Variants in GHRHR observed in about 807,000 individuals in gnomAD.
The protein encoded by GHRHR is growth hormone-releasing hormone receptor.
In GHRHR, 40 loss-of-function variants were observed where a neutral mutation model predicts 58.3. The ratio of observed to expected loss-of-function variants is 0.69; its 90% CI spans 0.53 to 0.89. GHRHR has a LOEUF of 0.89. Among genes scored for constraint, GHRHR ranks in the 40% least tolerant of loss-of-function variants. The pLI, the probability that GHRHR is intolerant of heterozygous loss-of-function variation, is 0.00. For missense variants in GHRHR, 551 were observed against 541.3 expected (o/e 1.02, Z -0.18); for synonymous variants, 249 against 216.6 (o/e 1.15, Z -1.31).
chr7:30,968,640 C>T (rs13237214), intron 1 of GHRHR, among the ~76,000 whole-genome samples, 194 bp from the exon 2 acceptor site: 20 of 81,862 alleles, frequency 2.4e-4, no homozygotes, highest in South Asian at 3.7e-4. Flanking sequence ...CTCCCTCCCT[C>T]CCTTCCTTCC....
intron 2 of GHRHR, 39 bp from the exon 3 acceptor site, chr7:30,969,024 C>A: frequency 6.5e-7 from 1 of 1,539,098 alleles, no homozygotes; most frequent in Non-Finnish European, 8.9e-7. Flanking sequence ...CAGCCCTGCA[C>A]CTGGGCTGAG....
At chr7:30,976,309 T>C (rs529170179) in intron 10 of GHRHR, 120 bp from the exon 11 acceptor site, 55 of 914,824 alleles carry the variant, frequency 6.0e-5, no homozygotes, top group Non-Finnish European at 8.4e-5. Flanking sequence ...AGGTGGCGTT[T>C]CCCAAGGTGG....
In GHRHR at chr7:30,968,822, T is replaced by C. The variant is rs1328502138; in HGVS notation, c.58-12T>C. The C allele has an allele frequency of 6.3e-7, 1 of 1,599,780 alleles. No individual in the cohort carries two copies. Among genetic ancestry groups the C allele is most frequent in the African/African-American group, 1.3e-5 (1 of 74,678 alleles). On this transcript the variant is annotated splice_polypyrimidine_tract_variant and intron_variant, in intron 1 of 12. Coordinates refer to ENST00000326139, the MANE Select transcript of GHRHR (RefSeq NM_000823.4). ...AAATGGCTTGGCTCATCCTGTTCAC[T>C]GTTTCCAGCAGGTATTGGGCCACAT...
At chr7:30,971,037 G>A (rs1363434042) in intron 4 of GHRHR, 82 bp from the exon 5 acceptor site, 2 of 730,490 alleles carry the variant, frequency 2.7e-6, no homozygotes, top group Non-Finnish European at 5.0e-6. Context: ...AATGGCAAAG[G>A]CTTCACCTGC....
intron 10 of GHRHR, 51 bp downstream of exon 10, chr7:30,975,919 A>G: frequency 1.0e-6 from 1 of 996,420 alleles, no homozygotes; most frequent in Non-Finnish European, 1.6e-6. Context: ...CTGGAGGGGG[A>G]TTCAATGTGT....
At position 30,975,866 on chromosome 7, in the gene GHRHR, T is replaced by C; in HGVS notation, c.972T>C (p.Tyr324=). 6.4e-7 allele frequency: 1 copy of C among 1,556,958 alleles called. No homozygotes were observed. Among genetic ancestry groups the C allele is most frequent in the Non-Finnish European group, 8.9e-7 (1 of 1,127,716 alleles). The change falls in exon 10 of 13, where the codon TAT becomes TAC. Residue 324 remains tyrosine (Y), a splice_region_variant and synonymous_variant. Coordinates refer to ENST00000326139, the MANE Select transcript of GHRHR (RefSeq NM_000823.4). ...GCAGCCTCCATACCCAGTCTCAGTATTGGTACTGTGTGTTTGTGTCTGGGG... is the reference window on the plus strand; with the variant it reads ...GCAGCCTCCATACCCAGTCTCAGTACTGGTACTGTGTGTTTGTGTCTGGGG... ...AQGSLHTQSQ[Y]WRLSKSTLFL...
chr7:30,968,968 T>C lies in GHRHR; in HGVS notation c.160+32T>C, dbSNP rs1290390710. The C allele has an allele frequency of 2.5e-6, 4 of 1,571,466 alleles. No homozygotes were observed. In the Admixed American group the frequency reaches 6.7e-5, roughly 26 times the overall value. On this transcript the variant is annotated intron_variant, in intron 2 of 12. Transcript: ENST00000326139. ...GGCCTAGGAGGCAGGTGGTGGCTTC[T>C]CTGATTCCTTTATATCCTCCAGCCT...
At chr7:30,967,706 C>T (rs1792386977) in intron 1 of GHRHR, among the ~76,000 whole-genome samples, 1 of 151,742 alleles carries the variant, frequency 6.6e-6, no homozygotes, top group African/African-American at 2.4e-5. Flanking sequence ...GCCTTCCTGC[C>T]TTCCTTCCCT....
At chr7:30,978,492 T>C (rs1792628844) in intron 12 of GHRHR, among the ~76,000 whole-genome samples, 1 of 152,188 alleles carries the variant, frequency 6.6e-6, no homozygotes, top group South Asian at 2.1e-4. Context: ...GTTGAACAGA[T>C]ATCTGATTCC....
chr7:30,971,098 T>C (rs1233418547), intron 4 of GHRHR, 21 bp from the exon 5 acceptor site: 1 of 1,084,240 alleles, frequency 9.2e-7, no homozygotes, highest in Non-Finnish European at 1.4e-6. Context: ...TGAGACTTTC[T>C]TCTGTCTCTG....
rs1280515192 is a variant in GHRHR at position 30,974,032 on chromosome 7, C to T, written c.645C>T (p.Thr215=). Residue 215 remains threonine, a synonymous_variant, in exon 7 of 13, where the codon ACC becomes ACT. Transcript: ENST00000326139. ...SVAASHFATM[T]NFSWLLAEAV... ...CCGCCTCCCATTTCGCCACCATGAC[C>T]AACTTCAGCTGGCTGTTGGCAGAAG... 1 of 1,614,078 alleles carries T rather than the reference C, an allele frequency of 6.2e-7. No individual in the cohort carries two copies. Among genetic ancestry groups the T allele is most frequent in the Admixed American group, 1.7e-5 (1 of 60,024 alleles).
intron 3 of GHRHR, chr7:30,969,662 C>T: frequency 1.6e-6 from 1 of 639,932 alleles, no homozygotes; most frequent in Non-Finnish European, 2.8e-6. Context: ...GAGATGGCAC[C>T]TTTGAAGCCA....
At chr7:30,974,875 G>C (rs1018841495) in intron 8 of GHRHR, 96 bp from the exon 9 acceptor site, 2 of 844,420 alleles carry the variant, frequency 2.4e-6, no homozygotes, top group South Asian at 2.6e-5. Context: ...GGGGAGGTGG[G>C]TGAGACCAGA....
chr7:30,970,116 A>G, intron 4 of GHRHR, 152 bp downstream of exon 4: 1 of 706,056 alleles, frequency 1.4e-6, no homozygotes, highest in Non-Finnish European at 2.6e-6. Context: ...TCTGGAGGAG[A>G]TGGGGTCTTT....
intron 11 of GHRHR, among the ~76,000 whole-genome samples, chr7:30,976,952 C>T (rs1792598396): frequency 6.9e-6 from 1 of 144,562 alleles, no homozygotes; most frequent in Non-Finnish European, 1.5e-5. Context: ...ATCCATCCAT[C>T]TATCCATCCA....
Position 30,979,268 on chromosome 7 carries a change from T to TC in GHRHR, c.*26dup, listed in dbSNP as rs1311436936. On this transcript the variant is annotated 3_prime_UTR_variant, in exon 13 of 13. Transcript: ENST00000326139. ...AGGCTGCCTCATCACGCCACTGGAGTCCACACTTGAATTTGGGCAGCTACC... is the reference window on the plus strand; with the variant it reads ...AGGCTGCCTCATCACGCCACTGGAGTCCCACACTTGAATTTGGGCAGCTACC... 6.2e-7 allele frequency: 1 copy of TC among 1,611,750 alleles called. No homozygotes were observed. The highest frequency in any genetic ancestry group is 2.2e-5 in the East Asian group (1 of 44,836).
chr7:30,970,833 T>C, intron 4 of GHRHR: 1 of 492,580 alleles, frequency 2.0e-6, no homozygotes, highest in East Asian at 4.0e-5. Context: ...CCCAGGGACA[T>C]GTAGTTTCTG....
chr7:30,975,934 C>T (rs1483160532), intron 10 of GHRHR, 66 bp downstream of exon 10: 2 of 912,584 alleles, frequency 2.2e-6, no homozygotes, highest in South Asian at 1.3e-5. Flanking sequence ...ATGTGTCTGT[C>T]TCATCCAATA....
intron 10 of GHRHR, 48 bp from the exon 11 acceptor site, chr7:30,976,381 C>G: frequency 6.3e-7 from 1 of 1,588,048 alleles, no homozygotes; most frequent in Non-Finnish European, 8.6e-7. Context: ...GTGCACACGA[C>G]AGTTTCTAAT....
Sources: gnomAD v4.1 joint callset for allele counts (sites outside exome capture counted in the v4.1 genomes callset) on GRCh38, gnomAD v4.1.1 for gene constraint, MANE v1.5 for transcripts, NCBI Gene and HGNC (gene_info 2026-07-23, HGNC 2026-07-21) for gene names.